The following MAB21L3 variants were observed in gnomAD, a reference collection of about 807,000 sequenced individuals.
MAB21L3 encodes protein mab-21-like 3.
MAB21L3 carries 36 observed loss-of-function variants against 37.7 expected under a neutral mutation model. That is an observed-to-expected ratio of 0.96 (90% CI 0.73 to 1.26). The LOEUF (loss-of-function observed/expected upper bound fraction) is 1.26. MAB21L3 is among the 50% of genes most tolerant of loss of function. The pLI, the probability that MAB21L3 is intolerant of heterozygous loss-of-function variation, is 0.00. For missense variants in MAB21L3, 430 were observed against 447.3 expected, an observed-to-expected ratio of 0.96 and a Z score of 0.35; for synonymous variants, 186 against 176.8, an observed-to-expected ratio of 1.05 and a Z score of -0.41.
intron 3 of MAB21L3, among the ~76,000 whole-genome samples, chr1:116,118,650 C>T (rs1353081369): frequency 6.6e-6 from 1 of 152,164 alleles, no homozygotes; most frequent in Non-Finnish European, 1.5e-5. Flanking sequence ...ACTTCACCAC[C>T]TCTTCTAGGG....
At position 116,133,472 on chromosome 1, in the gene MAB21L3, C is replaced by T. The variant is rs1018237281; in HGVS notation, c.*107C>T. The stretch of plus-strand genomic sequence containing the variant: ...AGGATCCTGCCTAGGAGAAAGGCCA[C>T]GAATGGCAGCGGAAATTACATCAAA... On this transcript the variant is annotated 3_prime_UTR_variant, in exon 8 of 8. Transcript: ENST00000369500. 6 of 924,448 alleles carry T rather than the reference C, an allele frequency of 6.5e-6. No homozygotes were observed. The highest frequency in any genetic ancestry group is 9.9e-6 in the Non-Finnish European group (6 of 604,338). 57.3% of individuals were successfully genotyped at this position (924,448 alleles called of 1,614,324 possible).
intron 4 of MAB21L3, 24 bp downstream of exon 4, chr1:116,121,096 A>AG (rs1339970441): frequency 1.0e-5 from 16 of 1,607,230 alleles, no homozygotes; most frequent in Non-Finnish European, 1.4e-5. Flanking sequence ...GCTGTCTCTA[A>AG]GTGCCACCAA....
At chr1:116,128,427 A>C in intron 7 of MAB21L3, 88 bp downstream of exon 7, 1 of 1,296,742 alleles carries the variant, frequency 7.7e-7, no homozygotes, top group South Asian at 1.6e-5. Flanking sequence ...GGCCAGAGCC[A>C]CTCAGAAGGG....
Position 116,119,221 on chromosome 1 carries a change from G to A in MAB21L3, c.49-1711G>A, listed in dbSNP as rs559127584. Among the ~76,000 whole-genome samples, 30 of 152,286 alleles carry A rather than the reference G, an allele frequency of 2.0e-4. 1 individual carries two copies. In the East Asian group the frequency reaches 5.2e-3, roughly 26 times the overall value. On this transcript the variant is annotated intron_variant, in intron 3 of 7. Coordinates refer to ENST00000369500, the MANE Select transcript of MAB21L3 (RefSeq NM_152367.3). The stretch of plus-strand genomic sequence containing the variant: ...TCCTCACTACTGTGAATGCATGGCC[G>A]GGTCTATCTTGTGCATTGCTGTGTT...
In MAB21L3 at chr1:116,136,714, A is replaced by T. The variant is rs1660206567; in HGVS notation, c.*3349A>T. On this transcript the variant is annotated 3_prime_UTR_variant, in exon 8 of 8. Transcript: ENST00000369500. ...AAAGCTGGAGGCATCACACTACCTG[A>T]CTTCAAACTATACTACAAGGCTACA... 6.6e-6 allele frequency among the ~76,000 whole-genome samples: 1 copy of T among 152,168 alleles called. No individual in the cohort carries two copies. Among genetic ancestry groups the T allele is most frequent in the South Asian group, 2.1e-4 (1 of 4,826 alleles).
At chr1:116,122,853 A>G (rs1448201403) in intron 4 of MAB21L3, among the ~76,000 whole-genome samples, 1 of 152,236 alleles carries the variant, frequency 6.6e-6, no homozygotes, top group Non-Finnish European at 1.5e-5. Context: ...AATTCACATG[A>G]AAGTGAATTG....
At position 116,133,356 on chromosome 1, in the gene MAB21L3, C is replaced by T. The variant is rs1395299915; in HGVS notation, c.1080C>T (p.Gly360=). The change falls in exon 8 of 8, where the codon GGC becomes GGT. Residue 360 remains glycine (G), a synonymous_variant. Coordinates refer to ENST00000369500, the MANE Select transcript of MAB21L3 (RefSeq NM_152367.3). ...LATFLKNPQI[G]PP ...CCTTCCTGAAGAACCCCCAGATCGG[C>T]CCGCCCTGATGGTTGCCCCGGCCTG... 6.2e-7 allele frequency: 1 copy of T among 1,614,156 alleles called. No homozygotes were observed. Among genetic ancestry groups the T allele is most frequent in the African/African-American group, 1.3e-5 (1 of 75,062 alleles).
At chr1:116,123,489 C>T (rs1376295141) in intron 4 of MAB21L3, among the ~76,000 whole-genome samples, 2 of 152,138 alleles carry the variant, frequency 1.3e-5, no homozygotes, top group African/African-American at 4.8e-5. Flanking sequence ...AAACATTCAC[C>T]ATTCCATGTC....
chr1:116,120,045 T>G (rs950037730), intron 3 of MAB21L3, among the ~76,000 whole-genome samples: 2 of 152,098 alleles, frequency 1.3e-5, no homozygotes, highest in Non-Finnish European at 2.9e-5. Context: ...TGGTTTAATA[T>G]TCACACCATG....
chr1:116,118,544 G>A (rs918173765), intron 3 of MAB21L3, among the ~76,000 whole-genome samples: 1 of 152,082 alleles, frequency 6.6e-6, no homozygotes, highest in Non-Finnish European at 1.5e-5. Context: ...AGACTCCATG[G>A]ACATTTGGGG....
chr1:116,117,972 C>A (rs72689488), intron 3 of MAB21L3, among the ~76,000 whole-genome samples: 9,455 of 152,164 alleles, frequency 0.062, 375 homozygotes, highest in Non-Finnish European at 0.08. Context: ...TCTCTGCTAC[C>A]TCTTCTTTCA....
In MAB21L3 at chr1:116,133,979, G is replaced by A. The variant is rs1397558229; in HGVS notation, c.*614G>A. The stretch of plus-strand genomic sequence containing the variant: ...TTGCACCTGATGAGTTAGTGAGCCT[G>A]TGCTTCCTTGCTGCCCTCCAGCTTC... On this transcript the variant is annotated 3_prime_UTR_variant, in exon 8 of 8. Coordinates refer to ENST00000369500, the MANE Select transcript of MAB21L3 (RefSeq NM_152367.3). 1 of 154,206 alleles carries A rather than the reference G, an allele frequency of 6.5e-6. No individual in the cohort carries two copies. The highest frequency in any genetic ancestry group is 2.4e-5 in the African/African-American group (1 of 41,466). The allele number at this position is 154,206 out of a possible 1,614,324, so 9.6% of individuals were successfully genotyped here.
At chr1:116,122,049 A>G (rs531030573) in intron 4 of MAB21L3, among the ~76,000 whole-genome samples, 2 of 152,298 alleles carry the variant, frequency 1.3e-5, no homozygotes, top group South Asian at 4.1e-4. Flanking sequence ...TGTTCCTAGC[A>G]CCCAGCATGG....
intron 7 of MAB21L3, among the ~76,000 whole-genome samples, chr1:116,131,315 G>C (rs774657474): frequency 2.6e-5 from 4 of 152,162 alleles, no homozygotes; most frequent in Admixed American, 2.0e-4. Context: ...CTATGCAGCC[G>C]AAGCAGGATG....
At chr1:116,124,036 T>C (rs1659824552) in intron 4 of MAB21L3, 30 bp from the exon 5 acceptor site, 1 of 1,562,764 alleles carries the variant, frequency 6.4e-7, no homozygotes. Context: ...TGTGAATTCA[T>C]GCTTGTTTTC....
chr1:116,128,043 C>T, intron 6 of MAB21L3, 102 bp from the exon 7 acceptor site: 1 of 1,250,834 alleles, frequency 8.0e-7, no homozygotes, highest in Non-Finnish European at 1.1e-6. Flanking sequence ...TGCTGTCTGC[C>T]TGGTGACAAG....
chr1:116,126,811 T>C (rs1292979520), intron 5 of MAB21L3, among the ~76,000 whole-genome samples: 1 of 152,206 alleles, frequency 6.6e-6, no homozygotes, highest in Admixed American at 6.5e-5. Flanking sequence ...ACATATGATT[T>C]TTTTACTTTA....
At chr1:116,113,218 C>T (rs960780264) in intron 3 of MAB21L3, among the ~76,000 whole-genome samples, 7 of 152,084 alleles carry the variant, frequency 4.6e-5, no homozygotes, top group South Asian at 2.1e-4. Flanking sequence ...TTTTCATTTA[C>T]GGATGAAGCT....
chr1:116,116,601 T>C (rs1325196192), intron 3 of MAB21L3, among the ~76,000 whole-genome samples: 1 of 152,122 alleles, frequency 6.6e-6, no homozygotes, highest in Non-Finnish European at 1.5e-5. Context: ...TGTGGCAAAG[T>C]GTGATGGAAA....
Sources: gnomAD v4.1 joint callset for allele counts (sites outside exome capture counted in the v4.1 genomes callset) on GRCh38, gnomAD v4.1.1 for gene constraint, MANE v1.5 for transcripts, NCBI Gene and HGNC (gene_info 2026-07-23, HGNC 2026-07-21) for gene names.